Variants in MAP4K4 observed in about 807,000 individuals in gnomAD.
MAP4K4 encodes the protein mitogen-activated protein kinase kinase kinase kinase 4.
A neutral mutation model predicts 189.6 loss-of-function variants in MAP4K4; 38 were observed. The ratio of observed to expected loss-of-function variants is 0.20; its 90% CI spans 0.15 to 0.26. The LOEUF is 0.26. Among genes scored for constraint, MAP4K4 ranks in the 10% least tolerant of loss-of-function variants. The pLI is 1.00. For synonymous variants in MAP4K4, 610 were observed against 624.3 expected, an observed-to-expected ratio of 0.98 and a Z score of 0.34; for missense variants, 1,054 against 1,726.9, an observed-to-expected ratio of 0.61 and a Z score of 6.91.
At chr2:101,818,360 G>A (rs1026406312) in intron 3 of MAP4K4, among the ~76,000 whole-genome samples, 1 of 152,160 alleles carries the variant, frequency 6.6e-6, no homozygotes, top group African/African-American at 2.4e-5. Context: ...AGAGTTAACA[G>A]TCAGTCGCCT....
At chr2:101,879,538 C>T (rs567085670) in intron 27 of MAP4K4, among the ~76,000 whole-genome samples, 1 of 152,156 alleles carries the variant, frequency 6.6e-6, no homozygotes, top group Non-Finnish European at 1.5e-5. Flanking sequence ...GAATATTTTC[C>T]TGCAAACAAT....
At chr2:101,765,060 T>G (rs2078024509) in intron 2 of MAP4K4, among the ~76,000 whole-genome samples, 1 of 152,060 alleles carries the variant, frequency 6.6e-6, no homozygotes, top group Non-Finnish European at 1.5e-5. Flanking sequence ...AGGAACAAAT[T>G]AACAACACAA....
chr2:101,742,381 TCCTTAAG>T (rs1443649288), intron 2 of MAP4K4, among the ~76,000 whole-genome samples: 3 of 152,104 alleles, frequency 2.0e-5, no homozygotes, highest in Non-Finnish European at 4.4e-5. Flanking sequence ...GGCGCTGTTT[TCCTTAAG>T]CCTTTAGAAT....
intron 2 of MAP4K4, among the ~76,000 whole-genome samples, chr2:101,705,416 A>C (rs2041795917): frequency 1.1e-5 from 1 of 88,406 alleles, no homozygotes; most frequent in Non-Finnish European, 3.1e-5. Flanking sequence ...GTTCAGACAC[A>C]ATGAATGCAC....
chr2:101,744,444 G>C (rs754615092), intron 2 of MAP4K4, among the ~76,000 whole-genome samples: 7 of 152,212 alleles, frequency 4.6e-5, no homozygotes, highest in Non-Finnish European at 8.8e-5. Flanking sequence ...CGACAGAGCA[G>C]ATTAAGAGAC....
intron 5 of MAP4K4, among the ~76,000 whole-genome samples, chr2:101,825,680 A>G (rs1446041117): frequency 2.0e-5 from 3 of 152,230 alleles, no homozygotes; most frequent in Non-Finnish European, 4.4e-5. Context: ...TGGCATCATG[A>G]CATACCTATT....
chr2:101,797,500 G>T (rs2093838759), intron 3 of MAP4K4: 7 of 839,134 alleles, frequency 8.3e-6, no homozygotes, highest in Non-Finnish European at 1.1e-5. Context: ...AAACTAATGT[G>T]CCATGTTTGT....
intron 3 of MAP4K4, among the ~76,000 whole-genome samples, chr2:101,821,591 C>G (rs1258305293): frequency 1.3e-5 from 2 of 152,174 alleles, no homozygotes; most frequent in African/African-American, 2.4e-5. Context: ...ATTAATGGAG[C>G]TTACAGGGCT....
At chr2:101,817,396 G>A in intron 3 of MAP4K4, among the ~76,000 whole-genome samples, 1 of 152,128 alleles carries the variant, frequency 6.6e-6, no homozygotes, top group Non-Finnish European at 1.5e-5. Context: ...CTCCTTGTGG[G>A]TCATTCAGGC....
chr2:101,706,319 A>G (rs1284734607), intron 2 of MAP4K4, among the ~76,000 whole-genome samples: 1 of 152,216 alleles, frequency 6.6e-6, no homozygotes, highest in African/African-American at 2.4e-5. Context: ...TTTAACTCCT[A>G]TACTTGCTGC....
intron 2 of MAP4K4, among the ~76,000 whole-genome samples, chr2:101,730,515 C>T (rs1458379453): frequency 6.6e-6 from 1 of 152,138 alleles, no homozygotes; most frequent in Non-Finnish European, 1.5e-5. Flanking sequence ...GGGGAAGGAG[C>T]TGGTGCCCTA....
At chr2:101,845,765 G>C (rs1180592816) in intron 12 of MAP4K4, among the ~76,000 whole-genome samples, 2 of 152,112 alleles carry the variant, frequency 1.3e-5, no homozygotes, top group African/African-American at 4.8e-5. Context: ...ACTGGCTTCT[G>C]CTGCATACCT....
chr2:101,847,021 A>G (rs2097130683), intron 12 of MAP4K4, among the ~76,000 whole-genome samples: 1 of 152,204 alleles, frequency 6.6e-6, no homozygotes, highest in Non-Finnish European at 1.5e-5. Context: ...ACTCCCTTCC[A>G]TATATAGTCA....
chr2:101,811,737 G>A (rs1263348594), intron 3 of MAP4K4, among the ~76,000 whole-genome samples: 2 of 152,180 alleles, frequency 1.3e-5, no homozygotes, highest in African/African-American at 4.8e-5. Context: ...TATACCAATG[G>A]ATGGGCATGT....
chr2:101,856,575 T>C (rs900878063), intron 13 of MAP4K4, among the ~76,000 whole-genome samples: 3 of 152,204 alleles, frequency 2.0e-5, no homozygotes, highest in Admixed American at 6.5e-5. Context: ...TACTGTAATA[T>C]ATATCAGCAT....
chr2:101,860,594 G>A (rs991765948), intron 15 of MAP4K4: 6 of 434,312 alleles, frequency 1.4e-5, no homozygotes, highest in Non-Finnish European at 2.5e-5. Flanking sequence ...GCAAGGAGGA[G>A]AGCTTAGAGA....
chr2:101,858,923 T>C (rs961347514), intron 13 of MAP4K4, 73 bp from the exon 14 acceptor site: 37 of 1,056,972 alleles, frequency 3.5e-5, no homozygotes, highest in Non-Finnish European at 5.1e-5. Flanking sequence ...AAATGGTTCT[T>C]GGTGCTCCAT....
chr2:101,858,483 G>C (rs774137321), intron 13 of MAP4K4, among the ~76,000 whole-genome samples: 3 of 152,174 alleles, frequency 2.0e-5, no homozygotes, highest in Non-Finnish European at 4.4e-5. Context: ...CTGGAATGTA[G>C]TCATTCCAGG....
chr2:101,829,779 G>T, intron 6 of MAP4K4, 185 bp downstream of exon 6: 1 of 530,856 alleles, frequency 1.9e-6, no homozygotes, highest in East Asian at 3.2e-5. Context: ...TTCCATGTTT[G>T]TGCCCCCCTG....
Sources: allele counts gnomAD v4.1 joint callset (sites outside exome capture counted in the v4.1 genomes callset), GRCh38; gene constraint gnomAD v4.1.1; transcripts MANE v1.5; gene names NCBI Gene and HGNC (gene_info 2026-07-23, HGNC 2026-07-21).